NIN: variants seen among roughly 807,000 people sequenced by gnomAD.
NIN encodes ninein, also known as glycogen synthase kinase 3 beta-interacting protein.
A neutral mutation model predicts 257.6 loss-of-function variants in NIN; 137 were observed. The observed-to-expected ratio is 0.53, with a 90% CI of 0.46 to 0.61. The LOEUF is 0.61. Ranked by LOEUF, NIN falls within the 20% of genes least tolerant of loss-of-function variation. The pLI, the probability that NIN is intolerant of heterozygous loss-of-function variation, is 0.00. For synonymous variants in NIN, 918 were observed against 919.8 expected (o/e 1.00, Z 0.04); for missense variants, 2,439 against 2,501.2 (o/e 0.98, Z 0.53).
intron 29 of NIN, chr14:50,727,528 T>C: frequency 8.1e-7 from 1 of 1,238,740 alleles, no homozygotes; most frequent in Non-Finnish European, 1.0e-6. Flanking sequence ...ATAAGAGACA[T>C]AATACTGCAA....
At chr14:50,780,774 A>G (rs1052001152) in intron 5 of NIN, among the ~76,000 whole-genome samples, 17 of 152,392 alleles carry the variant, frequency 1.1e-4, no homozygotes, top group Admixed American at 3.9e-4. Flanking sequence ...GTTCACTACA[A>G]TTCATGCAGA....
chr14:50,759,743 C>T, intron 17 of NIN, 114 bp downstream of exon 17: 1 of 1,100,548 alleles, frequency 9.1e-7, no homozygotes, highest in South Asian at 1.5e-5. Context: ...CCCACCTCGG[C>T]CTCCCAGAGT....
At chr14:50,815,380 T>A (rs1213425537) in intron 3 of NIN, among the ~76,000 whole-genome samples, 1 of 152,108 alleles carries the variant, frequency 6.6e-6, no homozygotes, top group Non-Finnish European at 1.5e-5. Context: ...CAATAAATAG[T>A]CCAGAAACAA....
At chr14:50,788,506 C>T (rs1208333960) in intron 5 of NIN, among the ~76,000 whole-genome samples, 2 of 152,052 alleles carry the variant, frequency 1.3e-5, no homozygotes, top group Non-Finnish European at 2.9e-5. Flanking sequence ...TGAGGATGAC[C>T]CATAATTTGG....
At chr14:50,780,318 A>G (rs2043083882) in intron 5 of NIN, among the ~76,000 whole-genome samples, 1 of 152,240 alleles carries the variant, frequency 6.6e-6, no homozygotes, top group Non-Finnish European at 1.5e-5. Context: ...GCTGCCTTTG[A>G]TAACAAATAA....
Position 50,720,413 on chromosome 14 carries a change from T to A in NIN, c.*3050A>T, listed in dbSNP as rs1419831790. The A allele has an allele frequency of 4.7e-6, 1 of 212,450 alleles. No homozygotes were observed. Among genetic ancestry groups the A allele is most frequent in the East Asian group, 7.1e-5 (1 of 14,104 alleles). The allele number at this position is 212,450 out of a possible 1,614,324, so 13.2% of individuals were successfully genotyped here. Reference sequence around the variant, plus strand: ...CAAAATAAAAAATTCATTTCTCACATGTTAAAAAAGCAAAGTCTGCCATAA... The same window carrying A: ...CAAAATAAAAAATTCATTTCTCACAAGTTAAAAAAGCAAAGTCTGCCATAA... On this transcript the variant is annotated 3_prime_UTR_variant, in exon 31 of 31. Coordinates refer to ENST00000530997, the MANE Select transcript of NIN (RefSeq NM_020921.4).
chr14:50,736,299 G>T (rs765905766), intron 27 of NIN, among the ~76,000 whole-genome samples: 1 of 151,118 alleles, frequency 6.6e-6, no homozygotes, highest in Non-Finnish European at 1.5e-5. Context: ...CACCCAGCTA[G>T]TTTTTGTATA....
intron 17 of NIN, among the ~76,000 whole-genome samples, chr14:50,759,314 T>C (rs2042171056): frequency 6.6e-6 from 1 of 152,188 alleles, no homozygotes; most frequent in Non-Finnish European, 1.5e-5. Flanking sequence ...GTAGAATAAA[T>C]CTTAATACGA....
intron 2 of NIN, among the ~76,000 whole-genome samples, chr14:50,829,719 C>G (rs1566891398): frequency 6.6e-6 from 1 of 152,204 alleles, no homozygotes; most frequent in South Asian, 2.1e-4. Flanking sequence ...GGCAGTCTTT[C>G]CAGCTCCCAT....
At position 50,791,807 on chromosome 14, in the gene NIN, G is replaced by A. The variant is rs117232329; in HGVS notation, c.435+905C>T. 2.5e-4 allele frequency among the ~76,000 whole-genome samples: 29 copies of A among 116,774 alleles called. No individual in the cohort carries two copies. In the East Asian group the frequency reaches 4.9e-3, roughly 20 times the overall value. The allele number at this position is 116,774 out of a possible 152,430, so 76.6% of individuals were successfully genotyped here. The stretch of plus-strand genomic sequence containing the variant: ...CCACAATGAACACACAGGTGCACGC[G>A]CACACACACACACACACACACACAC... On this transcript the variant is annotated intron_variant, in intron 5 of 30. Coordinates refer to ENST00000530997, the MANE Select transcript of NIN (RefSeq NM_020921.4).
At chr14:50,753,871 C>T (rs1251490646) in intron 20 of NIN, among the ~76,000 whole-genome samples, 1 of 151,898 alleles carries the variant, frequency 6.6e-6, no homozygotes, top group Admixed American at 6.6e-5. Flanking sequence ...GGCTAACCAT[C>T]TTTTGTATTC....
rs146811675 is a variant in NIN, at chr14:50,735,420, C to T, written c.5877+96G>A. The T allele has an allele frequency of 8.6e-5, 126 of 1,457,450 alleles. No homozygotes were observed. The African/African-American group carries it at 1.3e-3, about 15-fold the overall frequency. 90.3% of individuals were successfully genotyped at this position (1,457,450 alleles called of 1,614,324 possible). The stretch of plus-strand genomic sequence containing the variant: ...TGGCAGTGTACTTAGATTTTCACAA[C>T]GGGAATTCAATGCCATGTCTAGTCT... On this transcript the variant is annotated intron_variant, in intron 28 of 30. Transcript: ENST00000530997.
intron 5 of NIN, among the ~76,000 whole-genome samples, chr14:50,786,895 A>G (rs1200344286): frequency 1.3e-5 from 2 of 152,262 alleles, no homozygotes; most frequent in Admixed American, 6.5e-5. Context: ...GAAAATGAAC[A>G]TAAGGGAAAA....
At chr14:50,779,666 G>T (rs957066465) in intron 5 of NIN, among the ~76,000 whole-genome samples, 1 of 152,050 alleles carries the variant, frequency 6.6e-6, no homozygotes, top group Non-Finnish European at 1.5e-5. Context: ...GCTGAGGCAG[G>T]AGAATGGCGT....
chr14:50,777,132 T>C lies in NIN; in HGVS notation c.483A>G (p.Leu161=). The C allele has an allele frequency of 6.2e-7, 1 of 1,607,342 alleles. No individual in the cohort carries two copies. The highest frequency in any genetic ancestry group is 1.1e-5 in the South Asian group (1 of 89,988). ...TCAAGTCATCTGGGTTCCAAAACCT[T>C]AACTGGCCTGAGAGAGAAGCATATG... The part of the protein sequence containing the change: ...RSEEYEAEGQ[L]RFWNPDDLNA... The change falls in exon 7 of 31, where the codon TTA becomes TTG. Residue 161 remains leucine, a synonymous_variant. Coordinates refer to ENST00000530997, the MANE Select transcript of NIN (RefSeq NM_020921.4).
Position 50,741,742 on chromosome 14 carries a change from A to C in NIN, c.5302-14T>G. ...TAAATTCTGAACCTGTATTGTGAGA[A>C]TGATCTTTTACTGCTACACAAACTC... On this transcript the variant is annotated splice_polypyrimidine_tract_variant and intron_variant, in intron 24 of 30. Transcript: ENST00000530997. 1 of 1,612,200 alleles carries C rather than the reference A, an allele frequency of 6.2e-7. No homozygotes were observed. The highest frequency in any genetic ancestry group is 8.5e-7 in the Non-Finnish European group (1 of 1,179,240).
At chr14:50,726,905 A>C (rs2040433583) in intron 29 of NIN, among the ~76,000 whole-genome samples, 1 of 152,216 alleles carries the variant, frequency 6.6e-6, no homozygotes, top group Non-Finnish European at 1.5e-5. Context: ...GAATGACTAA[A>C]CATGAGTCAA....
At chr14:50,743,119 C>T (rs992575812) in intron 24 of NIN, among the ~76,000 whole-genome samples, 6 of 151,348 alleles carry the variant, frequency 4.0e-5, no homozygotes, top group Non-Finnish European at 5.9e-5. Context: ...GCACCTGCCA[C>T]GACACCAGGC....
intron 15 of NIN, 104 bp downstream of exon 15, chr14:50,763,722 T>G: frequency 2.0e-6 from 2 of 998,976 alleles, no homozygotes; most frequent in South Asian, 1.9e-5. Context: ...TCTTTTTTTT[T>G]TTTTTCTTTT....
Sources: allele counts gnomAD v4.1 joint callset (sites outside exome capture counted in the v4.1 genomes callset), GRCh38; gene constraint gnomAD v4.1.1; transcripts MANE v1.5; gene names NCBI Gene and HGNC (gene_info 2026-07-23, HGNC 2026-07-21).